UNC80: variants seen among roughly 807,000 people sequenced by gnomAD.
The protein encoded by UNC80 is protein unc-80 homolog.
UNC80 carries 164 observed loss-of-function variants against 384.6 expected under a neutral mutation model. The ratio of observed to expected loss-of-function variants is 0.43; its 90% CI spans 0.38 to 0.49. UNC80 has a LOEUF of 0.49. Ranked by LOEUF, UNC80 falls within the 20% of genes least tolerant of loss-of-function variation. The pLI, the probability that UNC80 is intolerant of heterozygous loss-of-function variation, is 0.00. For synonymous variants in UNC80, 1,486 were observed against 1,527.8 expected (o/e 0.97, Z 0.64); for missense variants, 3,330 against 4,143.0 (o/e 0.80, Z 5.39).
At chr2:209,920,471 C>T (rs1459737609) in intron 33 of UNC80, among the ~76,000 whole-genome samples, 1 of 152,228 alleles carries the variant, frequency 6.6e-6, no homozygotes, top group African/African-American at 2.4e-5. Flanking sequence ...GCATAAGCAT[C>T]ATAATTAAGA....
intron 4 of UNC80, among the ~76,000 whole-genome samples, chr2:209,778,360 A>G (rs2076979122): frequency 6.6e-6 from 1 of 152,220 alleles, no homozygotes; most frequent in Non-Finnish European, 1.5e-5. Flanking sequence ...AGATCGTGCC[A>G]CTGTACTCCA....
At chr2:209,835,121 C>A in intron 18 of UNC80, 111 bp downstream of exon 18, 1 of 857,582 alleles carries the variant, frequency 1.2e-6, no homozygotes, top group African/African-American at 1.7e-5. Context: ...TTGAATTTTG[C>A]CTTGTTTCTA....
At chr2:209,799,411 G>A (rs2078390492) in intron 7 of UNC80, among the ~76,000 whole-genome samples, 1 of 152,132 alleles carries the variant, frequency 6.6e-6, no homozygotes, top group African/African-American at 2.4e-5. Context: ...TGTGATTTTT[G>A]CACATTGATT....
chr2:209,834,755 T>C (rs1378889336), intron 17 of UNC80, among the ~76,000 whole-genome samples, 157 bp from the exon 18 acceptor site: 1 of 152,198 alleles, frequency 6.6e-6, no homozygotes, highest in African/African-American at 2.4e-5. Flanking sequence ...GAGTTAATGG[T>C]GCGGTATAAA....
At chr2:209,930,024 G>C in intron 37 of UNC80, 53 bp downstream of exon 37, 1 of 1,285,076 alleles carries the variant, frequency 7.8e-7, no homozygotes, top group East Asian at 2.7e-5. Flanking sequence ...TGTGAACACT[G>C]TTAAAATCAT....
chr2:209,955,967 C>G (rs1176500815), intron 48 of UNC80, among the ~76,000 whole-genome samples: 3 of 151,740 alleles, frequency 2.0e-5, no homozygotes, highest in African/African-American at 7.3e-5. Context: ...TGGTCTCGAA[C>G]TCCTGGCCTC....
chr2:209,831,510 CATT>C lies in UNC80; in HGVS notation c.2697_2699del (p.Ile900del), dbSNP rs1356046140. The C allele has an allele frequency of 6.4e-7, 1 of 1,551,400 alleles. No homozygotes were observed. Among genetic ancestry groups the C allele is most frequent in the Non-Finnish European group, 8.7e-7 (1 of 1,146,840 alleles). On this transcript the variant is annotated inframe_deletion, in exon 16 of 65. Transcript: ENST00000673920. ...AATCCACAGCCCAAAATGTGGAAGG[CATT>C]ATCGTCAGCGCCATGTTTAAATCCC... is the stretch of plus-strand genomic sequence containing the variant.
intron 3 of UNC80, among the ~76,000 whole-genome samples, chr2:209,776,761 G>C (rs553858443): frequency 1.3e-5 from 2 of 152,326 alleles, no homozygotes; most frequent in South Asian, 4.1e-4. Flanking sequence ...GTAGTACTGT[G>C]TATGAGTATG....
intron 7 of UNC80, among the ~76,000 whole-genome samples, chr2:209,800,282 C>T (rs907272296): frequency 6.6e-6 from 1 of 151,974 alleles, no homozygotes; most frequent in Non-Finnish European, 1.5e-5. Context: ...CTGGTTTAGT[C>T]TTGGTAGGGT....
chr2:209,889,114 A>G (rs975305492), intron 26 of UNC80, among the ~76,000 whole-genome samples: 3 of 152,238 alleles, frequency 2.0e-5, no homozygotes, highest in African/African-American at 4.8e-5. Flanking sequence ...TTCCCTAACC[A>G]TGGAATAGAC....
intron 12 of UNC80, among the ~76,000 whole-genome samples, 162 bp downstream of exon 12, chr2:209,819,423 T>A (rs1327431016): frequency 6.6e-6 from 1 of 152,130 alleles, no homozygotes; most frequent in Non-Finnish European, 1.5e-5. Context: ...TCAACCATCA[T>A]AGGTGCACCT....
intron 22 of UNC80, among the ~76,000 whole-genome samples, chr2:209,860,528 T>G (rs1195708698): frequency 6.6e-6 from 1 of 152,198 alleles, no homozygotes; most frequent in East Asian, 1.9e-4. Flanking sequence ...CTTGGCTATA[T>G]GGGGTCTCCT....
intron 13 of UNC80, among the ~76,000 whole-genome samples, chr2:209,821,661 C>T (rs1440521537): frequency 6.6e-6 from 1 of 152,144 alleles, no homozygotes; most frequent in Non-Finnish European, 1.5e-5. Context: ...ATTTAATTCC[C>T]TCTGCCTTGT....
At position 209,957,711 on chromosome 2, in the gene UNC80, A is replaced by G. The variant is rs1012948838; in HGVS notation, c.7525A>G (p.Thr2509Ala). ...TAAGGGAACCACCACAGCCAATCAC[A>G]CCATGTCGTCTGGGGTGAACACCAG... ...GHKGTTTANH[T>A]MSSGVNTRYQ... Residue 2509 changes from threonine (T) to alanine (A), a missense_variant, in exon 49 of 65, where the codon ACC (threonine) becomes GCC (alanine). Transcript: ENST00000673920. 2.4e-5 allele frequency: 38 copies of G among 1,551,404 alleles called. No individual in the cohort carries two copies. In the Admixed American group the frequency reaches 7.1e-4, roughly 29 times the overall value.
At chr2:209,984,183 C>A (rs899271363) in intron 60 of UNC80, among the ~76,000 whole-genome samples, 6 of 152,212 alleles carry the variant, frequency 3.9e-5, no homozygotes, top group Non-Finnish European at 5.9e-5. Context: ...TATTCTCTCA[C>A]CAACCTGACA....
chr2:209,813,928 A>G, intron 8 of UNC80, 87 bp downstream of exon 8: 2 of 1,462,214 alleles, frequency 1.4e-6, no homozygotes, highest in South Asian at 2.9e-5. Context: ...GCTCTTAGGT[A>G]CTCTAGTGCT....
chr2:209,995,232 T>A (rs1479802372), intron 64 of UNC80, 97 bp from the exon 65 acceptor site: 9 of 1,455,048 alleles, frequency 6.2e-6, no homozygotes, highest in Non-Finnish European at 8.3e-6. Context: ...AGCCATCTGA[T>A]TCCTTTTCCA....
intron 36 of UNC80, among the ~76,000 whole-genome samples, chr2:209,927,608 C>T (rs755028390): frequency 2.0e-5 from 3 of 152,140 alleles, no homozygotes; most frequent in East Asian, 1.9e-4. Flanking sequence ...GCCAGAAAGT[C>T]GGCAAATATT....
chr2:209,932,723 G>A (rs1390148130), intron 38 of UNC80, among the ~76,000 whole-genome samples: 2 of 152,178 alleles, frequency 1.3e-5, no homozygotes, highest in Non-Finnish European at 2.9e-5. Flanking sequence ...TGCACACAAG[G>A]AAGACCCAAC....
Sources: gnomAD v4.1 joint callset for allele counts (sites outside exome capture counted in the v4.1 genomes callset) on GRCh38, gnomAD v4.1.1 for gene constraint, MANE v1.5 for transcripts, NCBI Gene and HGNC (gene_info 2026-07-23, HGNC 2026-07-21) for gene names.